Variants in ZMYM6 observed in about 807,000 individuals in gnomAD.
ZMYM6 encodes zinc finger MYM-type protein 6.
A neutral mutation model predicts 134.0 loss-of-function variants in ZMYM6; 90 were observed. That is an observed-to-expected ratio of 0.67 (90% CI 0.57 to 0.80). ZMYM6 has a LOEUF of 0.80. Among genes scored for constraint, ZMYM6 ranks in the 30% least tolerant of loss-of-function variants. The probability of loss-of-function intolerance (pLI) is 0.00; values close to 1 mark genes in which losing one functional copy is unlikely to be tolerated. For synonymous variants in ZMYM6, 481 were observed against 524.1 expected (o/e 0.92, Z 1.12); for missense variants, 1,362 against 1,533.9 (o/e 0.89, Z 1.87).
At chr1:34,990,238 T>C (rs1346661121) in intron 15 of ZMYM6, 1 of 230,820 alleles carries the variant, frequency 4.3e-6, no homozygotes, top group Admixed American at 3.7e-5. Flanking sequence ...CCCAGCACTT[T>C]GGGAGGCTGA....
chr1:35,031,248 C>A (rs1451721174), intron 1 of ZMYM6: 2 of 152,308 alleles, frequency 1.3e-5, no homozygotes, highest in African/African-American at 2.4e-5. Flanking sequence ...AACGCCCTTA[C>A]TGAAAGTGAG....
chr1:35,017,374 AC>A (rs1427571935), intron 4 of ZMYM6: 1 of 152,270 alleles, frequency 6.6e-6, no homozygotes, highest in Non-Finnish European at 1.5e-5. Context: ...TGATTTTTCT[AC>A]TGAAAACAGA....
In ZMYM6 at chr1:35,015,109, G is replaced by A. The variant is rs148778794; in HGVS notation, c.482C>T (p.Pro161Leu). ...TGATTGGCTGCAGAAATCTTTGCTA[G>A]GATAGGAATTCTCAAAGCGAGTTGT... is the stretch of plus-strand genomic sequence containing the variant. ...VITTRFENSY[P>L]SKDFCSQSCL... Residue 161 changes from proline (P) to leucine (L), a missense_variant, in exon 5 of 16, where the codon CCT becomes CTT. Pro to Leu is a moderately conservative substitution (Grantham distance 98). Around this residue, in one of 3 missense-constraint regions of ZMYM6, gnomAD observed 503 missense variants for 520.8 expected, o/e 0.97. Coordinates refer to ENST00000357182, the MANE Select transcript of ZMYM6 (RefSeq NM_007167.4). 5 of 1,612,990 alleles carry A rather than the reference G, an allele frequency of 3.1e-6. No homozygotes were observed. In the African/African-American group the frequency reaches 5.3e-5, roughly 17 times the overall value.
chr1:34,995,996 C>T (rs971425373), intron 14 of ZMYM6, among the ~76,000 whole-genome samples: 2 of 151,820 alleles, frequency 1.3e-5, no homozygotes, highest in African/African-American at 2.4e-5. Context: ...CTGAAGAATC[C>T]CTGATGAACA....
At chr1:35,014,353 G>A (rs779512167) in intron 6 of ZMYM6, among the ~76,000 whole-genome samples, 9 of 152,138 alleles carry the variant, frequency 5.9e-5, no homozygotes, top group African/African-American at 1.4e-4. Context: ...CTGTAATCCC[G>A]GCACTTTGGG....
At chr1:35,008,000 A>G (rs1195676740) in intron 11 of ZMYM6, among the ~76,000 whole-genome samples, 1 of 152,206 alleles carries the variant, frequency 6.6e-6, no homozygotes, top group Non-Finnish European at 1.5e-5. Context: ...ATTTAATTAG[A>G]CATCCTTTGT....
chr1:34,999,770 T>G (rs1640848548), intron 14 of ZMYM6, among the ~76,000 whole-genome samples: 2 of 152,192 alleles, frequency 1.3e-5, no homozygotes, highest in Non-Finnish European at 2.9e-5. Context: ...ATGGTGAGGC[T>G]GTAATATATG....
intron 3 of ZMYM6, 116 bp from the exon 4 acceptor site, chr1:35,019,718 G>T (rs1048028600): frequency 8.0e-7 from 1 of 1,255,094 alleles, no homozygotes; most frequent in South Asian, 1.6e-5. Context: ...TGTCACCCAG[G>T]CTGGAGTGCA....
chr1:35,024,531 A>C (rs1641371222), intron 2 of ZMYM6, among the ~76,000 whole-genome samples: 1 of 152,182 alleles, frequency 6.6e-6, no homozygotes, highest in Admixed American at 6.5e-5. Flanking sequence ...CATAAACCCC[A>C]AAACCTGTAA....
At chr1:34,993,021 T>C (rs1179096477) in intron 14 of ZMYM6, among the ~76,000 whole-genome samples, 1 of 150,206 alleles carries the variant, frequency 6.7e-6, no homozygotes, top group East Asian at 1.9e-4. Flanking sequence ...AAAAATATAT[T>C]CCACATCAAT....
intron 14 of ZMYM6, among the ~76,000 whole-genome samples, chr1:34,997,331 T>C (rs183719948): frequency 4.6e-5 from 7 of 152,306 alleles, no homozygotes; most frequent in African/African-American, 2.4e-5. Flanking sequence ...TTTGAGACAG[T>C]CTCACTCTGT....
chr1:34,992,126 T>C, intron 15 of ZMYM6, 108 bp downstream of exon 15: 1 of 1,423,648 alleles, frequency 7.0e-7, no homozygotes, highest in Non-Finnish European at 9.9e-7. Flanking sequence ...AAAAGGAATG[T>C]TTTCACATTT....
At chr1:35,014,517 A>C (rs571571624) in intron 6 of ZMYM6, among the ~76,000 whole-genome samples, 180 bp downstream of exon 6, 2 of 152,304 alleles carry the variant, frequency 1.3e-5, no homozygotes, top group South Asian at 2.1e-4. Flanking sequence ...TATTTTACCT[A>C]TATCAACTTA....
chr1:35,030,776 T>C, intron 1 of ZMYM6, 63 bp from the exon 2 acceptor site: 2 of 842,716 alleles, frequency 2.4e-6, no homozygotes, highest in Non-Finnish European at 3.7e-6. Context: ...AGAAAAACTT[T>C]GTGTTGAGTG....
chr1:35,011,949 C>A lies in ZMYM6; in HGVS notation c.1003G>T (p.Ala335Ser), dbSNP rs1641094169. 6.2e-7 allele frequency: 1 copy of A among 1,611,010 alleles called. No individual in the cohort carries two copies. ...CTGTATATAGTTCCATTTGACATGGCTAGGTGATACTGAGGGATTGCTGAG... is the reference window on the plus strand; with the variant it reads ...CTGTATATAGTTCCATTTGACATGGATAGGTGATACTGAGGGATTGCTGAG... The part of the protein sequence containing the change: ...KTSAIPQYHL[A>S]MSNGTIYSFC... The change falls in exon 8 of 16, where the codon GCC becomes TCC. Residue 335 changes from alanine (A) to serine (S), a missense_variant. Physicochemically the swap from Ala to Ser is moderately conservative, Grantham distance 99. Coordinates refer to ENST00000357182, the MANE Select transcript of ZMYM6 (RefSeq NM_007167.4).
intron 14 of ZMYM6, among the ~76,000 whole-genome samples, chr1:34,995,973 T>C (rs1016192651): frequency 2.6e-5 from 4 of 152,188 alleles, no homozygotes; most frequent in Admixed American, 2.0e-4. Flanking sequence ...TTATTAAATG[T>C]ACCATAAGTA....
Position 35,015,127 on chromosome 1 carries a change from C to T in ZMYM6, c.464G>A (p.Arg155His), listed in dbSNP as rs201643072. 9 of 1,611,196 alleles carry T rather than the reference C, an allele frequency of 5.6e-6. No individual in the cohort carries two copies. In the South Asian group the frequency reaches 7.7e-5, roughly 14 times the overall value. Residue 155 changes from arginine (R) to histidine (H), a missense_variant, in exon 5 of 16, where the codon CGC (arginine) becomes CAC (histidine). Physicochemically the swap from Arg to His is conservative, Grantham distance 29. This residue lies in a region of ZMYM6 where 503 missense variants were observed against 520.8 expected (regional missense o/e 0.97). Coordinates refer to ENST00000357182, the MANE Select transcript of ZMYM6 (RefSeq NM_007167.4). ...TTTGCTAGGATAGGAATTCTCAAAG[C>T]GAGTTGTGATCACATCCTTAGGATT... The part of the protein sequence containing the change: ...ILNPKDVITT[R>H]FENSYPSKDF...
chr1:35,003,578 G>A (rs931124756), intron 14 of ZMYM6, among the ~76,000 whole-genome samples: 3 of 152,092 alleles, frequency 2.0e-5, no homozygotes, highest in African/African-American at 7.2e-5. Context: ...TTCCAACCAG[G>A]TGGAATTAAC....
In ZMYM6 at chr1:35,008,778, A is replaced by G; in HGVS notation, c.1639T>C (p.Ser547Pro). The G allele has an allele frequency of 1.2e-6, 2 of 1,613,864 alleles. No individual in the cohort carries two copies. Among genetic ancestry groups the G allele is most frequent in the Non-Finnish European group, 8.5e-7 (1 of 1,179,930 alleles). The stretch of plus-strand genomic sequence containing the variant: ...TGATAAAACAGAACTGTAAATTTGG[A>G]CATACAATCTTCACAACAAAACTCT... ...LEEFCCEDCM[S>P]KFTVLFYQMA... Residue 547 changes from serine (S) to proline (P), a missense_variant, in exon 11 of 16, where the codon TCC becomes CCC. Ser to Pro is a moderately conservative substitution (Grantham distance 74, BLOSUM62 -1). This residue lies in a region of ZMYM6 where 824 missense variants were observed against 940.9 expected (regional missense o/e 0.88). Coordinates refer to ENST00000357182, the MANE Select transcript of ZMYM6 (RefSeq NM_007167.4).
Sources: gnomAD v4.1 joint callset for allele counts (sites outside exome capture counted in the v4.1 genomes callset) on GRCh38, gnomAD v4.1.1 for gene constraint, gnomAD v4.1.1 regional missense constraint, MANE v1.5 for transcripts, NCBI Gene and HGNC (gene_info 2026-07-23, HGNC 2026-07-21) for gene names.